Variants in KIF1B observed in about 807,000 individuals in gnomAD.
The protein encoded by KIF1B is kinesin family member 1B, also known as kinesin-like protein KIF1B.
In KIF1B, 76 loss-of-function variants were observed where a neutral mutation model predicts 241.9. The observed-to-expected ratio is 0.31, with a 90% CI of 0.26 to 0.38. The LOEUF (loss-of-function observed/expected upper bound fraction) is 0.38. Among genes scored for constraint, KIF1B ranks in the 10% least tolerant of loss-of-function variants. KIF1B has a pLI of 1.00. For synonymous variants in KIF1B, 750 were observed against 796.7 expected, an observed-to-expected ratio of 0.94 and a Z score of 0.99; for missense variants, 1,622 against 2,271.4, an observed-to-expected ratio of 0.71 and a Z score of 5.81.
intron 22 of KIF1B, chr1:10,307,001 A>T (rs1650863714): frequency 9.6e-7 from 1 of 1,041,764 alleles, no homozygotes; most frequent in East Asian, 5.7e-5. Context: ...TGTGGTAAGG[A>T]CTATGTCCAC....
At chr1:10,336,808 A>T in intron 29 of KIF1B, 66 bp downstream of exon 29, 1 of 1,438,458 alleles carries the variant, frequency 7.0e-7, no homozygotes, top group Non-Finnish European at 9.8e-7. Flanking sequence ...ATTGGAGATC[A>T]GTTCTCCTGT....
At chr1:10,234,634 G>A (rs1352523779) in intron 2 of KIF1B, among the ~76,000 whole-genome samples, 1 of 151,324 alleles carries the variant, frequency 6.6e-6, no homozygotes, top group Non-Finnish European at 1.5e-5. Context: ...CAATCCTCCT[G>A]TCTCAGCCTC....
intron 2 of KIF1B, among the ~76,000 whole-genome samples, chr1:10,236,307 A>ACAACAACC (rs1557655415): frequency 4.0e-5 from 6 of 151,774 alleles, no homozygotes; most frequent in Middle Eastern, 3.4e-3. Context: ...CAACAACAAA[A>ACAACAACC]ACCCATATAG....
At position 10,380,301 on chromosome 1, in the gene KIF1B, C is replaced by G. The variant is rs574208353; in HGVS notation, c.*3714C>G. ...TCATCGGTACTCTTTCTGCATTTCC[C>G]TCGTGCTGTGTCCCGCTCGGGTTCC... On this transcript the variant is annotated 3_prime_UTR_variant, in exon 49 of 49. Coordinates refer to ENST00000676179, the MANE Select transcript of KIF1B (RefSeq NM_001365951.3). 2 of 211,050 alleles carry G rather than the reference C, an allele frequency of 9.5e-6. No individual in the cohort carries two copies. The highest frequency in any genetic ancestry group is 5.9e-5 in the Admixed American group (1 of 16,932). The allele number at this position is 211,050 out of a possible 1,614,324, so 13.1% of individuals were successfully genotyped here. A position where few individuals can be genotyped will look rare whatever the true frequency, so the allele number is the denominator to read the frequency against.
chr1:10,291,945 G>A (rs1650020500), intron 16 of KIF1B, 102 bp from the exon 17 acceptor site: 12 of 913,716 alleles, frequency 1.3e-5, no homozygotes, highest in Admixed American at 5.4e-5. Context: ...TATAAACATG[G>A]CCAGTTGTTT....
At chr1:10,302,588 A>G (rs1410934030) in intron 22 of KIF1B, among the ~76,000 whole-genome samples, 1 of 152,178 alleles carries the variant, frequency 6.6e-6, no homozygotes, top group Admixed American at 6.5e-5. Context: ...GTAAAGCTAA[A>G]CAAAACCTGG....
chr1:10,220,079 G>A (rs1052179417), intron 1 of KIF1B, among the ~76,000 whole-genome samples: 1 of 151,842 alleles, frequency 6.6e-6, no homozygotes, highest in Non-Finnish European at 1.5e-5. Context: ...GCACATGCCT[G>A]TAATCCCAGC....
intron 27 of KIF1B, among the ~76,000 whole-genome samples, chr1:10,333,234 T>C (rs1349558591): frequency 1.4e-5 from 2 of 146,766 alleles, no homozygotes; most frequent in African/African-American, 5.1e-5. Context: ...GAAACCAGCC[T>C]GACCAACAGG....
At chr1:10,305,597 T>TAAA in intron 22 of KIF1B, 1 of 1,058,268 alleles carries the variant, frequency 9.4e-7, no homozygotes, top group Non-Finnish European at 1.1e-6. Context: ...AATAGTGAAA[T>TAAA]AAAAGTTAAC....
At chr1:10,217,222 C>T (rs1484983966) in intron 1 of KIF1B, among the ~76,000 whole-genome samples, 1 of 151,630 alleles carries the variant, frequency 6.6e-6, no homozygotes, top group Non-Finnish European at 1.5e-5. Context: ...GATCCGCCCG[C>T]CTCTGCCTTC....
Position 10,320,117 on chromosome 1 carries a change from G to A in KIF1B, c.2190G>A (p.Glu730=). Reference sequence around the variant, plus strand: ...CTCTGGCTGCAGAAACAACTGAAGAGGAGGAAGAAGAGGAAGAAGGTGAAA... The same window carrying A: ...CTCTGGCTGCAGAAACAACTGAAGAAGAGGAAGAAGAGGAAGAAGGTGAAA... ...TRSLAAETTE[E]EEEEEEVPWT... is the part of the protein sequence containing the mutation. The change falls in exon 23 of 49, where the codon GAG becomes GAA. Residue 730 remains glutamate, a synonymous_variant. Transcript: ENST00000676179. The A allele has an allele frequency of 3.1e-6, 5 of 1,613,078 alleles. No homozygotes were observed. Among genetic ancestry groups the A allele is most frequent in the Non-Finnish European group, 4.2e-6 (5 of 1,179,192 alleles).
rs752044197 is a variant in KIF1B, at chr1:10,374,448, T to G, written c.5079T>G (p.Ile1693Met). The G allele has an allele frequency of 6.2e-7, 1 of 1,614,152 alleles. No individual in the cohort carries two copies. Among genetic ancestry groups the G allele is most frequent in the East Asian group, 2.2e-5 (1 of 44,878 alleles). The change falls in exon 46 of 49, where the codon ATT (isoleucine) becomes ATG (methionine). Residue 1693 changes from isoleucine (I) to methionine (M), a missense_variant. Physicochemically the swap from Ile to Met is conservative, Grantham distance 10. Transcript: ENST00000676179. The surrounding 1 kb of genome is among the most constrained non-coding windows in gnomAD (Gnocchi z 4.3). ...KNEFLNLVPDIEEIRPSSVVS... is the reference protein window; with the variant it reads ...KNEFLNLVPDMEEIRPSSVVS... ...AATTTCTCAATCTTGTTCCAGATATTGAAGAAATTAGACCAAGGTGAGTAC... is the reference window on the plus strand; with the variant it reads ...AATTTCTCAATCTTGTTCCAGATATGGAAGAAATTAGACCAAGGTGAGTAC...
At chr1:10,332,699 T>A (rs996124198) in intron 27 of KIF1B, among the ~76,000 whole-genome samples, 1 of 151,142 alleles carries the variant, frequency 6.6e-6, no homozygotes, top group Non-Finnish European at 1.5e-5. Context: ...GTATTTTTTG[T>A]AGAGACGGAG....
In KIF1B at chr1:10,374,185, C is replaced by A. The variant is rs1053718625; in HGVS notation, c.4947-131C>A. On this transcript the variant is annotated intron_variant, in intron 45 of 48. Coordinates refer to ENST00000676179, the MANE Select transcript of KIF1B (RefSeq NM_001365951.3). This position sits in a 1 kb window ranked among gnomAD's most constrained non-coding sequence, Gnocchi z 4.3. ...CAGCTTGTCTCCTCAGCTGAGCTCT[C>A]TGCAACTCAAGTTTGCAGCTGGGGT... 7.5e-6 allele frequency: 7 copies of A among 939,392 alleles called. No individual in the cohort carries two copies. In the Admixed American group the frequency reaches 1.2e-4, roughly 16 times the overall value. 58.2% of individuals were successfully genotyped at this position (939,392 alleles called of 1,614,324 possible).
chr1:10,342,289 C>T, intron 33 of KIF1B, 121 bp downstream of exon 33: 1 of 755,652 alleles, frequency 1.3e-6, no homozygotes, highest in Admixed American at 1.9e-5. Context: ...CTATATTACC[C>T]TGTTTCCTCT....
At chr1:10,351,326 A>G (rs1271475645) in intron 37 of KIF1B, among the ~76,000 whole-genome samples, 1 of 152,142 alleles carries the variant, frequency 6.6e-6, no homozygotes, top group Non-Finnish European at 1.5e-5. Flanking sequence ...AGCAGTTACT[A>G]TGGCTTCTCT....
At chr1:10,283,291 A>G (rs1016320224) in intron 15 of KIF1B, among the ~76,000 whole-genome samples, 1 of 151,660 alleles carries the variant, frequency 6.6e-6, no homozygotes, top group Non-Finnish European at 1.5e-5. Context: ...ATTAAATTAT[A>G]TCTTCTAGAA....
Position 10,365,695 on chromosome 1 carries a change from C to A in KIF1B, c.4752+47C>A. On this transcript the variant is annotated intron_variant, in intron 43 of 48. Coordinates refer to ENST00000676179, the MANE Select transcript of KIF1B (RefSeq NM_001365951.3). The surrounding 1 kb of genome is among the most constrained non-coding windows in gnomAD (Gnocchi z 4.0). ...CTGAACGTCTTCCCACAAGGCTCCA[C>A]AAACTAGCCTCTCGGTTTATTCATT... is the stretch of plus-strand genomic sequence containing the variant. The A allele has an allele frequency of 1.9e-6, 3 of 1,612,216 alleles. No individual in the cohort carries two copies. Among genetic ancestry groups the A allele is most frequent in the Non-Finnish European group, 2.5e-6 (3 of 1,179,720 alleles).
chr1:10,361,265 C>A (rs1638413747), intron 39 of KIF1B, among the ~76,000 whole-genome samples: 1 of 152,210 alleles, frequency 6.6e-6, no homozygotes, highest in Non-Finnish European at 1.5e-5. Flanking sequence ...ATTGCAGCTT[C>A]AGCTTTAGTA....
Sources: allele counts gnomAD v4.1 joint callset (sites outside exome capture counted in the v4.1 genomes callset), GRCh38; gene constraint gnomAD v4.1.1; non-coding constraint Gnocchi (gnomAD v3.1); transcripts MANE v1.5; gene names NCBI Gene and HGNC (gene_info 2026-07-23, HGNC 2026-07-21).